PDGFRB: variants seen among roughly 807,000 people sequenced by gnomAD.
The protein encoded by PDGFRB is platelet derived growth factor receptor beta, also known as platelet-derived growth factor receptor beta.
Under a neutral mutation model 120.2 loss-of-function variants are expected in PDGFRB, and 42 were observed. The observed-to-expected ratio is 0.35, with a 90% CI of 0.27 to 0.45. The LOEUF (loss-of-function observed/expected upper bound fraction) is 0.45, where lower values mean the gene tolerates loss of function less well. PDGFRB is among the 20% of genes least tolerant of loss of function. The probability of loss-of-function intolerance (pLI) is 1.00; values close to 1 mark genes in which losing one functional copy is unlikely to be tolerated. For synonymous variants in PDGFRB, 586 were observed against 606.8 expected (o/e 0.97, Z 0.50); for missense variants, 1,149 against 1,476.3 (o/e 0.78, Z 3.63).
intron 1 of PDGFRB, among the ~76,000 whole-genome samples, chr5:150,154,856 A>T (rs183383173): frequency 6.6e-6 from 1 of 152,300 alleles, no homozygotes; most frequent in African/African-American, 2.4e-5. Flanking sequence ...AAACTTTTCT[A>T]GCTGCTGGGG....
In PDGFRB at chr5:150,132,646, C is replaced by T; in HGVS notation, c.1127+104G>A. 6.4e-6 allele frequency: 7 copies of T among 1,092,512 alleles called. No individual in the cohort carries two copies. The highest frequency in any genetic ancestry group is 9.1e-6 in the Non-Finnish European group (7 of 766,042). The allele number at this position is 1,092,512 out of a possible 1,614,324, so 67.7% of individuals were successfully genotyped here. The stretch of plus-strand genomic sequence containing the variant: ...TCCCCAGCACCTGGCACCTAATATG[C>T]TCTCAGAAAGCTGGGCCTAGGTTTG... On this transcript the variant is annotated intron_variant, in intron 7 of 22. Transcript: ENST00000261799. This position sits in a 1 kb window ranked among gnomAD's most constrained non-coding sequence, Gnocchi z 5.0.
rs12171503 is a variant in PDGFRB, at chr5:150,143,031, C to T, written c.-6-5978G>A. ...TCTGCTCCAAGTGATCCTGGACCAC[C>T]GAGCCATGATGGTGTTGATGGCTGG... On this transcript the variant is annotated intron_variant, in intron 1 of 22. Coordinates refer to ENST00000261799, the MANE Select transcript of PDGFRB (RefSeq NM_002609.4). Among the ~76,000 whole-genome samples, 625 of 152,100 alleles carry T rather than the reference C, an allele frequency of 4.1e-3. 7 individuals are homozygous for T. The highest frequency in any genetic ancestry group is 0.01 in the African/African-American group (417 of 41,474).
At chr5:150,137,170 G>A (rs543471940) in intron 1 of PDGFRB, 117 bp from the exon 2 acceptor site, 88 of 775,314 alleles carry the variant, frequency 1.1e-4, no homozygotes, top group Non-Finnish European at 1.6e-4. Flanking sequence ...CTTCATGTCC[G>A]AGGGGCTGAA....
chr5:150,152,213 G>A (rs1456184551), intron 1 of PDGFRB, among the ~76,000 whole-genome samples: 1 of 152,128 alleles, frequency 6.6e-6, no homozygotes, highest in Non-Finnish European at 1.5e-5. Flanking sequence ...AGCCTCGATG[G>A]TTAAATTAAT....
rs763109598 is a variant in PDGFRB, at chr5:150,133,593, G to A, written c.927C>T (p.Thr309=). 19 of 1,613,342 alleles carry A rather than the reference G, an allele frequency of 1.2e-5. No individual in the cohort carries two copies. The highest frequency in any genetic ancestry group is 5.0e-5 in the Admixed American group (3 of 60,010). ...TGAGCCCAAGGCACACACCAACCAC[G>A]GTGATGTTGATGGCCTTTTCATCCT... ...DHQDEKAINI[T]VVESGYVRLL... The change falls in exon 6 of 23, where the codon ACC becomes ACT. Residue 309 remains threonine (T), a synonymous_variant. Transcript: ENST00000261799.
In PDGFRB at chr5:150,132,836, A is replaced by C; in HGVS notation, c.1041T>G (p.Thr347=). The change falls in exon 7 of 23, where the codon ACT becomes ACG. Residue 347 remains threonine, a synonymous_variant. Transcript: ENST00000261799. This position sits in a 1 kb window ranked among gnomAD's most constrained non-coding sequence, Gnocchi z 5.0. The part of the protein sequence containing the change: ...QVVFEAYPPP[T]VLWFKDNRTL... ...TGCGGTTGTCTTTGAACCACAGGAC[A>C]GTGGGCGGTGGGTAGGCCTCGAACA... 2 of 1,611,402 alleles carry C rather than the reference A, an allele frequency of 1.2e-6. No homozygotes were observed. The highest frequency in any genetic ancestry group is 1.3e-5 in the African/African-American group (1 of 75,024).
chr5:150,114,475 C>A lies in PDGFRB; in HGVS notation c.*1288G>T. On this transcript the variant is annotated 3_prime_UTR_variant, in exon 23 of 23. Transcript: ENST00000261799. ...CTCTTTGTCCCTTTTGCCCAGGATA[C>A]CCCCGGAGGTCATCGTGGGTAGTGA... 8.6e-6 allele frequency: 2 copies of A among 233,300 alleles called. No homozygotes were observed. The highest frequency in any genetic ancestry group is 1.7e-5 in the Non-Finnish European group (2 of 117,916). The allele number at this position is 233,300 out of a possible 1,614,324, so 14.5% of individuals were successfully genotyped here. A position where few individuals can be genotyped will look rare whatever the true frequency, so the allele number is the denominator to read the frequency against.
rs371592929 is a variant in PDGFRB at position 150,132,697 on chromosome 5, C to G, written c.1127+53G>C. 1.3e-6 allele frequency: 2 copies of G among 1,529,376 alleles called. No individual in the cohort carries two copies. Among genetic ancestry groups the G allele is most frequent in the African/African-American group, 2.7e-5 (2 of 73,418 alleles). 94.7% of individuals were successfully genotyped at this position (1,529,376 alleles called of 1,614,324 possible). ...TGGCTGAAAGCCGAGGGCTGCCTGG[C>G]GGCTGCAAAGAAAAATAACTTCAAG... On this transcript the variant is annotated intron_variant, in intron 7 of 22. Coordinates refer to ENST00000261799, the MANE Select transcript of PDGFRB (RefSeq NM_002609.4). The surrounding 1 kb of genome is among the most constrained non-coding windows in gnomAD (Gnocchi z 5.0).
chr5:150,117,548 A>C, intron 22 of PDGFRB, 70 bp downstream of exon 22: 3 of 424,260 alleles, frequency 7.1e-6, no homozygotes, highest in South Asian at 3.5e-5. Context: ...GCGCGCGCAC[A>C]CACACACACA....
intron 8 of PDGFRB, 86 bp from the exon 9 acceptor site, chr5:150,130,748 A>G (rs1202599201): frequency 8.3e-7 from 1 of 1,203,722 alleles, no homozygotes; most frequent in African/African-American, 1.6e-5. Context: ...TGGCCCAGAG[A>G]CTCTCTTGGG....
chr5:150,139,878 G>A (rs185204963), intron 1 of PDGFRB, among the ~76,000 whole-genome samples: 1 of 152,138 alleles, frequency 6.6e-6, no homozygotes, highest in Admixed American at 6.5e-5. Flanking sequence ...TACTCAGGAG[G>A]CCGAGGCAGG....
intron 15 of PDGFRB, 199 bp from the exon 16 acceptor site, chr5:150,122,239 A>G: frequency 5.2e-6 from 3 of 572,408 alleles, no homozygotes; most frequent in Non-Finnish European, 9.4e-6. Context: ...TACCAAAATG[A>G]CAGTTAGAAC....
chr5:150,139,679 T>C (rs1230517789), intron 1 of PDGFRB, among the ~76,000 whole-genome samples: 1 of 141,404 alleles, frequency 7.1e-6, no homozygotes, highest in Non-Finnish European at 1.5e-5. Context: ...TCCCCATCTA[T>C]ACAATTAAGA....
intron 1 of PDGFRB, among the ~76,000 whole-genome samples, chr5:150,150,115 T>G (rs1761032758): frequency 6.6e-6 from 1 of 152,176 alleles, no homozygotes; most frequent in Admixed American, 6.5e-5. Flanking sequence ...CTTTGCTCCT[T>G]TTCAGCCCAT....
In PDGFRB at chr5:150,129,893, C is replaced by A; in HGVS notation, c.1443G>T (p.Thr481=). The change falls in exon 10 of 23, where the codon ACG becomes ACT. Residue 481 remains threonine (T), a synonymous_variant. Transcript: ENST00000261799. ...CAAACTCCTGCTCCTCCTCCCAGTACGTCACGTTAGTCTCCAGCTGGCTCT... is the reference window on the plus strand; with the variant it reads ...CAAACTCCTGCTCCTCCTCCCAGTAAGTCACGTTAGTCTCCAGCTGGCTCT... The part of the protein sequence containing the change: ...EEESQLETNV[T]YWEEEQEFEV... 6.2e-7 allele frequency: 1 copy of A among 1,614,174 alleles called. No homozygotes were observed. Among genetic ancestry groups the A allele is most frequent in the Non-Finnish European group, 8.5e-7 (1 of 1,180,000 alleles).
At position 150,132,768 on chromosome 5, in the gene PDGFRB, C is replaced by A. The variant is rs1399784936; in HGVS notation, c.1109G>T (p.Arg370Leu). 5.0e-6 allele frequency: 8 copies of A among 1,612,940 alleles called. No individual in the cohort carries two copies. In the South Asian group the frequency reaches 8.8e-5, roughly 18 times the overall value. ...SSAGEIALST[R>L]NVSETRYVSE... is the part of the protein sequence containing the mutation. ...TGCTCACCGGGTCTCCGACACGTTGCGCGTGGACAGGGCGATTTCGCCAGC... is the reference window on the plus strand; with the variant it reads ...TGCTCACCGGGTCTCCGACACGTTGAGCGTGGACAGGGCGATTTCGCCAGC... The change falls in exon 7 of 23, where the codon CGC becomes CTC. Residue 370 changes from arginine to leucine, a missense_variant. Coordinates refer to ENST00000261799, the MANE Select transcript of PDGFRB (RefSeq NM_002609.4). The surrounding 1 kb of genome is among the most constrained non-coding windows in gnomAD (Gnocchi z 5.0).
In PDGFRB at chr5:150,118,913, G is replaced by T. The variant is rs1465028620; in HGVS notation, c.2799-61C>A. The T allele has an allele frequency of 9.9e-6, 10 of 1,005,674 alleles. No homozygotes were observed. The South Asian group carries it at 1.4e-4, about 14-fold the overall frequency. The allele number at this position is 1,005,674 out of a possible 1,614,324, so 62.3% of individuals were successfully genotyped here. A position where few individuals can be genotyped will look rare whatever the true frequency, so the allele number is the denominator to read the frequency against. On this transcript the variant is annotated intron_variant, in intron 20 of 22. Coordinates refer to ENST00000261799, the MANE Select transcript of PDGFRB (RefSeq NM_002609.4). The stretch of plus-strand genomic sequence containing the variant: ...AGGGTTCAGGGGACAAGGCAGGGCT[G>T]GGGGAGCAGGAGGCTGCTGCCTCTC...
At chr5:150,153,196 A>G (rs953732147) in intron 1 of PDGFRB, among the ~76,000 whole-genome samples, 2 of 152,192 alleles carry the variant, frequency 1.3e-5, no homozygotes, top group African/African-American at 4.8e-5. Flanking sequence ...ATGTGTGGGC[A>G]ATTATAAGTC....
At chr5:150,124,050 C>T (rs1345417581) in intron 14 of PDGFRB, 200 bp downstream of exon 14, 4 of 411,410 alleles carry the variant, frequency 9.7e-6, no homozygotes, top group Non-Finnish European at 1.7e-5. Flanking sequence ...ACTAATCCTT[C>T]AGCCTTGAAG....
Sources: allele counts gnomAD v4.1 joint callset (sites outside exome capture counted in the v4.1 genomes callset), GRCh38; gene constraint gnomAD v4.1.1; non-coding constraint Gnocchi (gnomAD v3.1); transcripts MANE v1.5; gene names NCBI Gene and HGNC (gene_info 2026-07-23, HGNC 2026-07-21).